Variants in PRKDC observed in about 807,000 individuals in gnomAD.
PRKDC encodes DNA-dependent protein kinase catalytic subunit.
PRKDC carries 82 observed loss-of-function variants against 486.9 expected under a neutral mutation model. The observed-to-expected ratio is 0.17, with a 90% CI of 0.14 to 0.20. The LOEUF is 0.20. Among genes scored for constraint, PRKDC ranks in the 10% least tolerant of loss-of-function variants. The pLI is 1.00. For missense variants in PRKDC, 4,504 were observed against 5,038.2 expected, an observed-to-expected ratio of 0.89 and a Z score of 3.21; for synonymous variants, 1,895 against 1,837.0, an observed-to-expected ratio of 1.03 and a Z score of -0.81.
chr8:47,892,608 G>A (rs2089486229), intron 31 of PRKDC, among the ~76,000 whole-genome samples: 1 of 152,176 alleles, frequency 6.6e-6, no homozygotes, highest in South Asian at 2.1e-4. Context: ...TGGGATTACA[G>A]GAGAGAGCCT....
At chr8:47,802,395 C>CG (rs1563742204) in intron 70 of PRKDC, among the ~76,000 whole-genome samples, 1 of 151,848 alleles carries the variant, frequency 6.6e-6, no homozygotes, top group African/African-American at 2.4e-5. Flanking sequence ...GGCAACAGAG[C>CG]GGGGGACCAA....
In PRKDC at chr8:47,888,670, G is replaced by A. The variant is rs1365718051; in HGVS notation, c.4281-20C>T. ...TCAATGCTGGCCATGTGACAAAACA[G>A]TAAATTAGGTGAGCTCTGATCTCGT... On this transcript the variant is annotated intron_variant, in intron 33 of 85. Coordinates refer to ENST00000314191, the MANE Select transcript of PRKDC (RefSeq NM_006904.7). 3.8e-6 allele frequency: 6 copies of A among 1,559,264 alleles called. No individual in the cohort carries two copies. The highest frequency in any genetic ancestry group is 1.2e-5 in the South Asian group (1 of 82,558).
chr8:47,931,484 C>T (rs1056544119), intron 16 of PRKDC, among the ~76,000 whole-genome samples: 1 of 151,826 alleles, frequency 6.6e-6, no homozygotes, highest in African/African-American at 2.4e-5. Flanking sequence ...TCCAGGAAGT[C>T]CCTTTGGGCA....
Position 47,782,424 on chromosome 8 carries a change from T to C in PRKDC, c.11350A>G (p.Arg3784Gly), listed in dbSNP as rs2086712569. The C allele has an allele frequency of 1.2e-6, 2 of 1,602,024 alleles. No homozygotes were observed. The highest frequency in any genetic ancestry group is 1.7e-5 in the Admixed American group (1 of 58,210). The change falls in exon 79 of 86, where the codon AGG becomes GGG. Residue 3784 changes from arginine (R) to glycine (G), a missense_variant. Arg to Gly is a moderately radical substitution (Grantham distance 125). Transcript: ENST00000314191. This position sits in a 1 kb window ranked among gnomAD's most constrained non-coding sequence, Gnocchi z 4.9. The part of the protein sequence containing the change: ...ILAQDSACSQ[R>G]ALQLRTYSVV... ...CTATAGGTCCTCAGCTGCAGGGCCCTCTGGCTGCAGGCGGAGTCTTGGGCC... is the reference window on the plus strand; with the variant it reads ...CTATAGGTCCTCAGCTGCAGGGCCCCCTGGCTGCAGGCGGAGTCTTGGGCC...
rs141959571 is a variant in PRKDC at position 47,830,027 on chromosome 8, A to C, written c.8397+578T>G. Among the ~76,000 whole-genome samples, 1,416 of 152,322 alleles carry C rather than the reference A, an allele frequency of 9.3e-3. 23 individuals carry two copies. The highest frequency in any genetic ancestry group is 0.032 in the African/African-American group (1,335 of 41,568). ...GCACCGCACTACCCAACTTCAAACAATACTATAAGGCTGCAGTAACCAAAA... is the reference window on the plus strand; with the variant it reads ...GCACCGCACTACCCAACTTCAAACACTACTATAAGGCTGCAGTAACCAAAA... On this transcript the variant is annotated intron_variant, in intron 61 of 85. Coordinates refer to ENST00000314191, the MANE Select transcript of PRKDC (RefSeq NM_006904.7).
At chr8:47,901,095 G>C (rs946070588) in intron 27 of PRKDC, among the ~76,000 whole-genome samples, 2 of 147,364 alleles carry the variant, frequency 1.4e-5, no homozygotes, top group African/African-American at 5.0e-5. Context: ...TTGAGGTTGA[G>C]TCATGATCCC....
chr8:47,828,142 T>C (rs1183449313), intron 62 of PRKDC, 26 bp downstream of exon 62: 4 of 1,595,452 alleles, frequency 2.5e-6, no homozygotes, highest in Non-Finnish European at 3.4e-6. Flanking sequence ...ACAATGTATA[T>C]TTGATGAAGT....
At position 47,936,371 on chromosome 8, in the gene PRKDC, G is replaced by A. The variant is rs2090351735; in HGVS notation, c.1260C>T (p.Val420=). The change falls in exon 12 of 86, where the codon GTC becomes GTT. Residue 420 remains valine, a synonymous_variant. Transcript: ENST00000314191. The stretch of plus-strand genomic sequence containing the variant: ...CACTTACTGTGTCAAGGTACAGCAA[G>A]ACGCTTGCAACAGACTGGAGGAAGC... ...MPSFLQSVAS[V]LLYLDTVPEV... The A allele has an allele frequency of 6.2e-7, 1 of 1,612,596 alleles. No homozygotes were observed.
Position 47,917,574 on chromosome 8 carries a change from G to A in PRKDC, c.2526+703C>T, listed in dbSNP as rs913001073. ...ACTATCACATCGTATGGCTCATCTC[G>A]AGAAAACTTGCCCCAAGGAATTATC... On this transcript the variant is annotated intron_variant, in intron 22 of 85. Coordinates refer to ENST00000314191, the MANE Select transcript of PRKDC (RefSeq NM_006904.7). Among the ~76,000 whole-genome samples the A allele has an allele frequency of 4.6e-5, 7 of 151,978 alleles. No individual in the cohort carries two copies. In the South Asian group the frequency reaches 6.2e-4, roughly 13 times the overall value.
intron 48 of PRKDC, 109 bp downstream of exon 48, chr8:47,858,405 TTG>T: frequency 1.8e-6 from 2 of 1,114,016 alleles, no homozygotes; most frequent in South Asian, 1.9e-5. Context: ...TTTTCCTTTT[TTG>T]TGTGTGTTTT....
At chr8:47,840,847 T>G (rs1199205817) in intron 54 of PRKDC, among the ~76,000 whole-genome samples, 1 of 152,232 alleles carries the variant, frequency 6.6e-6, no homozygotes, top group African/African-American at 2.4e-5. Flanking sequence ...TTTATTGCTG[T>G]GTAAAAATAT....
intron 69 of PRKDC, among the ~76,000 whole-genome samples, chr8:47,806,161 G>A (rs2087212241): frequency 6.6e-6 from 1 of 152,172 alleles, no homozygotes; most frequent in Non-Finnish European, 1.5e-5. Flanking sequence ...TCCAGGCTTT[G>A]CTGACATCTC....
At chr8:47,839,108 C>T (rs748867720) in intron 56 of PRKDC, 40 bp downstream of exon 56, 3 of 1,470,746 alleles carry the variant, frequency 2.0e-6, no homozygotes, top group Non-Finnish European at 2.9e-6. Context: ...GAAAGCAATA[C>T]CCTTAACATT....
At chr8:47,824,363 A>G (rs2087677727) in intron 63 of PRKDC, among the ~76,000 whole-genome samples, 1 of 150,862 alleles carries the variant, frequency 6.6e-6, no homozygotes, top group South Asian at 2.1e-4. Context: ...AGTCCCAGCT[A>G]CTTGGGAGGC....
At chr8:47,874,482 G>A (rs998204267) in intron 40 of PRKDC, among the ~76,000 whole-genome samples, 1 of 152,214 alleles carries the variant, frequency 6.6e-6, no homozygotes, top group East Asian at 1.9e-4. Context: ...TCTGGGCCGA[G>A]CACTGTGGCT....
intron 21 of PRKDC, among the ~76,000 whole-genome samples, chr8:47,920,471 T>C (rs2090053860): frequency 6.6e-6 from 1 of 152,234 alleles, no homozygotes; most frequent in Admixed American, 6.5e-5. Context: ...ATAAAGTCTC[T>C]TAAAGGAGCT....
chr8:47,777,455 C>T (rs143631701), intron 84 of PRKDC, among the ~76,000 whole-genome samples: 132 of 152,260 alleles, frequency 8.7e-4, no homozygotes, highest in Non-Finnish European at 1.7e-3. Context: ...GTGATCCTCC[C>T]GTCTCTGCCT....
At chr8:47,854,027 T>C in intron 51 of PRKDC, 56 bp downstream of exon 51, 2 of 1,595,614 alleles carry the variant, frequency 1.3e-6, no homozygotes, top group Non-Finnish European at 1.7e-6. Context: ...CATACTGAAG[T>C]CTGTCAATCC....
intron 32 of PRKDC, among the ~76,000 whole-genome samples, chr8:47,890,039 T>C (rs2154501837): frequency 6.6e-6 from 1 of 152,224 alleles, no homozygotes; most frequent in Admixed American, 6.5e-5. Flanking sequence ...ATATAACTTC[T>C]GACAATGCAA....
Sources: gnomAD v4.1 joint callset for allele counts (sites outside exome capture counted in the v4.1 genomes callset) on GRCh38, gnomAD v4.1.1 for gene constraint, Gnocchi (gnomAD v3.1) non-coding constraint, MANE v1.5 for transcripts, NCBI Gene and HGNC (gene_info 2026-07-23, HGNC 2026-07-21) for gene names.